ADCY1: variants seen among roughly 807,000 people sequenced by gnomAD.
ADCY1 encodes adenylate cyclase 1, also known as adenylate cyclase type 1.
In ADCY1, 28 loss-of-function variants were observed where a neutral mutation model predicts 105.4. That is an observed-to-expected ratio of 0.27 (90% CI 0.20 to 0.36). The LOEUF (loss-of-function observed/expected upper bound fraction) is 0.36. ADCY1 is among the 10% of genes least tolerant of loss of function. The pLI, the probability that ADCY1 is intolerant of heterozygous loss-of-function variation, is 1.00. For missense variants in ADCY1, 977 were observed against 1,434.2 expected, an observed-to-expected ratio of 0.68 and a Z score of 5.15; for synonymous variants, 655 against 623.8, an observed-to-expected ratio of 1.05 and a Z score of -0.75.
chr7:45,703,633 G>A lies in ADCY1; in HGVS notation c.2605G>A (p.Val869Ile), dbSNP rs751469911. The A allele has an allele frequency of 3.7e-6, 6 of 1,612,906 alleles. No individual in the cohort carries two copies. Among genetic ancestry groups the A allele is most frequent in the Non-Finnish European group, 4.2e-6 (5 of 1,179,466 alleles). The change falls in exon 16 of 20, where the codon GTC becomes ATC. Residue 869 changes from valine (V) to isoleucine (I), a missense_variant. By Grantham distance (29) the Val-to-Ile change is conservative (BLOSUM62 3). Transcript: ENST00000297323. The surrounding 1 kb of genome is among the most constrained non-coding windows in gnomAD (Gnocchi z 5.9). ...CTACCAGTCCTACTCCCAGGTGGGCGTCATGTTTGCCTCCATCCCCAACTT... is the reference window on the plus strand; with the variant it reads ...CTACCAGTCCTACTCCCAGGTGGGCATCATGTTTGCCTCCATCCCCAACTT... ...LYYQSYSQVG[V>I]MFASIPNFND... is the part of the protein sequence containing the mutation.
intron 4 of ADCY1, among the ~76,000 whole-genome samples, chr7:45,623,850 G>A (rs1793975500): frequency 6.6e-6 from 1 of 152,148 alleles, no homozygotes; most frequent in African/African-American, 2.4e-5. Context: ...AGGATGTGAT[G>A]CTTTTCAGGG....
In ADCY1 at chr7:45,685,034, T is replaced by C. The variant is rs528299772; in HGVS notation, c.2039T>C (p.Val680Ala). ...QIRTVLCIFI[V>A]VLIYSVAQGC... Reference sequence around the variant, plus strand: ...CGCACTGTCCTGTGTATTTTCATAGTGGTCTTAATCTACTCAGTAGCCCAA... The same window carrying C: ...CGCACTGTCCTGTGTATTTTCATAGCGGTCTTAATCTACTCAGTAGCCCAA... The change falls in exon 12 of 20, where the codon GTG becomes GCG. Residue 680 changes from valine (V) to alanine (A), a missense_variant. Val to Ala is a moderately conservative substitution (Grantham distance 64). This residue lies in a region of ADCY1 where 275 missense variants were observed against 362.1 expected (regional missense o/e 0.76). Coordinates refer to ENST00000297323, the MANE Select transcript of ADCY1 (RefSeq NM_021116.4). 5 of 1,614,228 alleles carry C rather than the reference T, an allele frequency of 3.1e-6. No homozygotes were observed. The East Asian group carries it at 1.1e-4, about 36-fold the overall frequency.
rs1467565844 is a variant in ADCY1, at chr7:45,720,741, ACC to A, written c.*6747_*6748del. On this transcript the variant is annotated 3_prime_UTR_variant, in exon 20 of 20. Coordinates refer to ENST00000297323, the MANE Select transcript of ADCY1 (RefSeq NM_021116.4). ...GCACTTGTCGCTCTCCCACCTGGTT[ACC>A]ACAGTCTCCATGGGTCTTTTGCCGT... is the stretch of plus-strand genomic sequence containing the variant. The A allele has an allele frequency of 6.6e-6, 1 of 152,188 alleles. No homozygotes were observed. The highest frequency in any genetic ancestry group is 1.5e-5 in the Non-Finnish European group (1 of 68,038). The allele number at this position is 152,188 out of a possible 1,614,324, so 9.4% of individuals were successfully genotyped here.
chr7:45,703,549 A>G lies in ADCY1; in HGVS notation c.2572-51A>G. 6.2e-7 allele frequency: 1 copy of G among 1,612,384 alleles called. No homozygotes were observed. The highest frequency in any genetic ancestry group is 8.5e-7 in the Non-Finnish European group (1 of 1,178,780). ...AGCCCTACACTGCTCTGGCCACCCC[A>G]CTTGGCGCTCACCTGGCTGACCCTT... On this transcript the variant is annotated intron_variant, in intron 15 of 19. Coordinates refer to ENST00000297323, the MANE Select transcript of ADCY1 (RefSeq NM_021116.4). The surrounding 1 kb of genome is among the most constrained non-coding windows in gnomAD (Gnocchi z 5.9).
At chr7:45,625,472 A>C (rs765650281) in intron 4 of ADCY1, among the ~76,000 whole-genome samples, 2 of 151,782 alleles carry the variant, frequency 1.3e-5, no homozygotes, top group African/African-American at 2.4e-5. Flanking sequence ...CACATATGTG[A>C]GCATGCATGT....
intron 14 of ADCY1, among the ~76,000 whole-genome samples, chr7:45,690,063 C>T (rs1169123633): frequency 6.6e-6 from 1 of 152,162 alleles, no homozygotes; most frequent in Non-Finnish European, 1.5e-5. Flanking sequence ...GACACACAGC[C>T]CAGGAGGCAG....
intron 14 of ADCY1, among the ~76,000 whole-genome samples, chr7:45,694,217 G>T (rs1584337021): frequency 6.6e-6 from 1 of 150,988 alleles, no homozygotes; most frequent in Non-Finnish European, 1.5e-5. Flanking sequence ...CTATTCAAGA[G>T]CACATAAGTA....
At chr7:45,667,419 G>A (rs1784283499) in intron 8 of ADCY1, among the ~76,000 whole-genome samples, 1 of 152,186 alleles carries the variant, frequency 6.6e-6, no homozygotes, top group African/African-American at 2.4e-5. Context: ...TGTCAGGTTT[G>A]TCAATGATCT....
Position 45,686,709 on chromosome 7 carries a change from G to T in ADCY1, c.2454+36G>T, listed in dbSNP as rs780214714. 1.9e-6 allele frequency: 3 copies of T among 1,572,464 alleles called. No homozygotes were observed. In the Admixed American group the frequency reaches 5.4e-5, roughly 28 times the overall value. On this transcript the variant is annotated intron_variant, in intron 14 of 19. Coordinates refer to ENST00000297323, the MANE Select transcript of ADCY1 (RefSeq NM_021116.4). The surrounding 1 kb of genome is among the most constrained non-coding windows in gnomAD (Gnocchi z 4.3). ...CCCTTTCTGCTTTCTGGGGGTGGGG[G>T]ATTTAGAGGAGGAAGAAGTCTTCAG...
At chr7:45,643,113 CTTT>C (rs528070607) in intron 4 of ADCY1, among the ~76,000 whole-genome samples, 2 of 109,106 alleles carry the variant, frequency 1.8e-5, no homozygotes, top group Admixed American at 9.3e-5. Context: ...TGTTTTCTGT[CTTT>C]TTTTTTTTTT....
intron 8 of ADCY1, among the ~76,000 whole-genome samples, chr7:45,676,624 A>G (rs1784459710): frequency 6.6e-6 from 1 of 152,106 alleles, no homozygotes; most frequent in African/African-American, 2.4e-5. Flanking sequence ...GTTGAGTAGA[A>G]TATGGACATT....
chr7:45,713,453 C>T (rs1441160423), intron 19 of ADCY1, among the ~76,000 whole-genome samples: 4 of 152,258 alleles, frequency 2.6e-5, no homozygotes, highest in African/African-American at 7.2e-5. Context: ...GCCCCTTAGA[C>T]TCCTCCGAGT....
chr7:45,609,372 C>T (rs1471800394), intron 2 of ADCY1, among the ~76,000 whole-genome samples: 5 of 152,156 alleles, frequency 3.3e-5, no homozygotes, highest in Non-Finnish European at 5.9e-5. Context: ...GCTGGGTGCC[C>T]GCGTGACTAC....
chr7:45,674,516 GGCACCC>G (rs1475991368), intron 8 of ADCY1, among the ~76,000 whole-genome samples: 1 of 152,114 alleles, frequency 6.6e-6, no homozygotes, highest in East Asian at 1.9e-4. Context: ...TGGGATTACA[GGCACCC>G]GCCACCACGC....
In ADCY1 at chr7:45,660,090, C is replaced by T. The variant is rs1795054268; in HGVS notation, c.1356C>T (p.Tyr452=). 3.1e-6 allele frequency: 5 copies of T among 1,614,208 alleles called. No individual in the cohort carries two copies. The highest frequency in any genetic ancestry group is 4.5e-5 in the East Asian group (2 of 44,876). ...CCCTAGCGTGCTTGAATGGGGACTACGAGGTAGAACCGGGTTACGGACATG... is the reference window on the plus strand; with the variant it reads ...CCCTAGCGTGCTTGAATGGGGACTATGAGGTAGAACCGGGTTACGGACATG... ...KTTLACLNGD[Y]EVEPGYGHER... The change falls in exon 7 of 20, where the codon TAC becomes TAT. Residue 452 remains tyrosine, a synonymous_variant. Coordinates refer to ENST00000297323, the MANE Select transcript of ADCY1 (RefSeq NM_021116.4).
At chr7:45,612,047 A>C (rs968240996) in intron 3 of ADCY1, among the ~76,000 whole-genome samples, 2 of 152,198 alleles carry the variant, frequency 1.3e-5, no homozygotes, top group Non-Finnish European at 2.9e-5. Context: ...CAGTATGGCT[A>C]ATTGCTGTCT....
In ADCY1 at chr7:45,575,805, T is replaced by G. The variant is rs1405555914; in HGVS notation, c.639+623T>G. On this transcript the variant is annotated intron_variant, in intron 1 of 19. Transcript: ENST00000297323. This position sits in a 1 kb window ranked among gnomAD's most constrained non-coding sequence, Gnocchi z 4.7. Reference sequence around the variant, plus strand: ...AGTCCCTGCCGCTGCCACTCGGCGGTTGCCCTGACCCTGCCTTTTCTGCGC... The same window carrying G: ...AGTCCCTGCCGCTGCCACTCGGCGGGTGCCCTGACCCTGCCTTTTCTGCGC... Among the ~76,000 whole-genome samples, 1 of 152,252 alleles carries G rather than the reference T, an allele frequency of 6.6e-6. No homozygotes were observed. Among genetic ancestry groups the G allele is most frequent in the Non-Finnish European group, 1.5e-5 (1 of 68,042 alleles).
At chr7:45,689,738 A>G (rs562456334) in intron 14 of ADCY1, among the ~76,000 whole-genome samples, 1 of 152,228 alleles carries the variant, frequency 6.6e-6, no homozygotes, top group South Asian at 2.1e-4. Context: ...TGTGGCAGGA[A>G]GTGAGTCCTC....
rs1437715639 is a variant in ADCY1 at position 45,722,939 on chromosome 7, T to G, written c.*8944T>G. 6.6e-6 allele frequency: 1 copy of G among 152,656 alleles called. No homozygotes were observed. 9.5% of individuals were successfully genotyped at this position (152,656 alleles called of 1,614,324 possible). ...TACCTTCCAGTCTTTTTCAAGATTG[T>G]TAAATTGAGACAAGTAATTGAATAA... On this transcript the variant is annotated 3_prime_UTR_variant, in exon 20 of 20. Coordinates refer to ENST00000297323, the MANE Select transcript of ADCY1 (RefSeq NM_021116.4).
Sources: allele counts gnomAD v4.1 joint callset (sites outside exome capture counted in the v4.1 genomes callset), GRCh38; gene constraint gnomAD v4.1.1; regional missense constraint gnomAD v4.1.1; non-coding constraint Gnocchi (gnomAD v3.1); transcripts MANE v1.5; gene names NCBI Gene and HGNC (gene_info 2026-07-23, HGNC 2026-07-21).